PTPRE: variants seen among roughly 807,000 people sequenced by gnomAD.
PTPRE encodes receptor-type tyrosine-protein phosphatase epsilon.
PTPRE carries 51 observed loss-of-function variants against 102.0 expected under a neutral mutation model. That is an observed-to-expected ratio of 0.50 (90% CI 0.40 to 0.63). PTPRE has a LOEUF of 0.63. Among genes scored for constraint, PTPRE ranks in the 30% least tolerant of loss-of-function variants. PTPRE has a pLI of 0.00. For synonymous variants in PTPRE, 345 were observed against 348.2 expected (o/e 0.99, Z 0.10); for missense variants, 752 against 915.1 (o/e 0.82, Z 2.30).
At position 128,037,210 on chromosome 10, in the gene PTPRE, G is replaced by A. The variant is rs1423004033; in HGVS notation, c.-7-3665G>A. Among the ~76,000 whole-genome samples the A allele has an allele frequency of 2.0e-5, 3 of 152,148 alleles. No individual in the cohort carries two copies. The East Asian group carries it at 5.8e-4, about 29-fold the overall frequency. On this transcript the variant is annotated intron_variant, in intron 2 of 20. Coordinates refer to ENST00000254667, the MANE Select transcript of PTPRE (RefSeq NM_006504.6). ...TGAGGACCTACCCAATTCCTCTTCA[G>A]ACTTTTCCTCCTCACTCATCTTCTC...
chr10:127,967,512 G>T (rs1432718872), intron 1 of PTPRE, among the ~76,000 whole-genome samples: 6 of 152,168 alleles, frequency 3.9e-5, no homozygotes, highest in Non-Finnish European at 8.8e-5. Flanking sequence ...ATATGCTTTT[G>T]CTCCTCCTTC....
chr10:127,990,635 T>C (rs1045506315), intron 2 of PTPRE, among the ~76,000 whole-genome samples: 4 of 152,112 alleles, frequency 2.6e-5, no homozygotes, highest in African/African-American at 4.8e-5. Context: ...ACTGCATGTG[T>C]CGGCCATGAC....
chr10:128,011,824 C>T (rs1590001567), intron 2 of PTPRE, among the ~76,000 whole-genome samples: 1 of 152,328 alleles, frequency 6.6e-6, no homozygotes, highest in African/African-American at 2.4e-5. Context: ...AGTTCACAGG[C>T]GGTGGCCTAA....
intron 2 of PTPRE, among the ~76,000 whole-genome samples, chr10:127,990,640 C>T (rs906639657): frequency 5.9e-5 from 9 of 152,060 alleles, no homozygotes; most frequent in African/African-American, 2.2e-4. Flanking sequence ...ATGTGTCGGC[C>T]ATGACGGGGA....
chr10:128,067,893 G>A (rs1850409849), intron 11 of PTPRE, among the ~76,000 whole-genome samples: 1 of 152,188 alleles, frequency 6.6e-6, no homozygotes, highest in African/African-American at 2.4e-5. Flanking sequence ...CCTGACCTGG[G>A]CATAGACGGT....
intron 6 of PTPRE, among the ~76,000 whole-genome samples, chr10:128,054,700 C>T (rs1848812133): frequency 6.6e-6 from 1 of 151,896 alleles, no homozygotes; most frequent in Non-Finnish European, 1.5e-5. Context: ...ACCATGAGCT[C>T]CAGCTGGTCA....
intron 3 of PTPRE, 139 bp from the exon 4 acceptor site, chr10:128,047,251 G>A (rs1279845298): frequency 1.2e-5 from 15 of 1,255,332 alleles, no homozygotes; most frequent in African/African-American, 3.0e-5. Context: ...ACCTCGTGGG[G>A]CCTTTTCAGG....
intron 2 of PTPRE, among the ~76,000 whole-genome samples, chr10:128,029,944 G>A (rs1012502257): frequency 6.6e-6 from 1 of 152,198 alleles, no homozygotes; most frequent in African/African-American, 2.4e-5. Context: ...CTGGGGGCGG[G>A]GACAGGACAC....
chr10:127,996,655 G>C (rs573615803), intron 2 of PTPRE, among the ~76,000 whole-genome samples: 23 of 152,304 alleles, frequency 1.5e-4, no homozygotes, highest in African/African-American at 5.3e-4. Flanking sequence ...CATGTCAGCA[G>C]CTGAGCTCAT....
chr10:128,038,948 C>CT (rs1847451011), intron 2 of PTPRE, among the ~76,000 whole-genome samples: 1 of 152,178 alleles, frequency 6.6e-6, no homozygotes, highest in Non-Finnish European at 1.5e-5. Context: ...ACCTCAGTGT[C>CT]TAACAGATGA....
chr10:128,039,485 A>G (rs1239731445), intron 2 of PTPRE, among the ~76,000 whole-genome samples: 2 of 152,244 alleles, frequency 1.3e-5, no homozygotes, highest in Non-Finnish European at 2.9e-5. Flanking sequence ...AATAAAAAAA[A>G]GAGGGAAGAA....
At chr10:127,946,022 G>A (rs1166558135) in intron 1 of PTPRE, among the ~76,000 whole-genome samples, 1 of 152,090 alleles carries the variant, frequency 6.6e-6, no homozygotes, top group East Asian at 1.9e-4. Context: ...GGCTGCATCT[G>A]GCACCTTGAG....
At chr10:127,969,833 A>G (rs1850577579) in intron 1 of PTPRE, among the ~76,000 whole-genome samples, 1 of 152,190 alleles carries the variant, frequency 6.6e-6, no homozygotes, top group African/African-American at 2.4e-5. Context: ...AGATGCTGGC[A>G]CGTGCCTCCG....
At chr10:128,018,380 A>G (rs1344664031) in intron 2 of PTPRE, among the ~76,000 whole-genome samples, 1 of 152,200 alleles carries the variant, frequency 6.6e-6, no homozygotes, top group Non-Finnish European at 1.5e-5. Flanking sequence ...CAGCAGTTCC[A>G]ACTGCATCTC....
chr10:128,071,051 T>C (rs1850725701), intron 15 of PTPRE, 150 bp downstream of exon 15: 2 of 703,296 alleles, frequency 2.8e-6, no homozygotes, highest in Non-Finnish European at 4.7e-6. Context: ...TCCTGTGTGC[T>C]GTACCAAATG....
intron 2 of PTPRE, among the ~76,000 whole-genome samples, chr10:127,988,690 G>T (rs1244127219): frequency 1.3e-5 from 2 of 152,136 alleles, no homozygotes; most frequent in African/African-American, 4.8e-5. Context: ...GAAGAGGGAG[G>T]GAGGAGAGCA....
chr10:128,037,150 G>A (rs192348208), intron 2 of PTPRE, among the ~76,000 whole-genome samples: 198 of 152,302 alleles, frequency 1.3e-3, no homozygotes, highest in Non-Finnish European at 2.5e-3. Flanking sequence ...AATGGAAAAT[G>A]AGCCCTTAGG....
intron 5 of PTPRE, among the ~76,000 whole-genome samples, chr10:128,048,634 G>A (rs1233253592): frequency 1.3e-5 from 2 of 152,178 alleles, no homozygotes; most frequent in Non-Finnish European, 2.9e-5. Context: ...GTGGCACCAG[G>A]TGCTGTCTTC....
At chr10:127,961,124 C>T (rs1345237269) in intron 1 of PTPRE, among the ~76,000 whole-genome samples, 2 of 152,126 alleles carry the variant, frequency 1.3e-5, no homozygotes, top group African/African-American at 4.8e-5. Context: ...TGGGCAGAGC[C>T]GGGGCTTTGC....
Sources: gnomAD v4.1 joint callset for allele counts (sites outside exome capture counted in the v4.1 genomes callset) on GRCh38, gnomAD v4.1.1 for gene constraint, MANE v1.5 for transcripts, NCBI Gene and HGNC (gene_info 2026-07-23, HGNC 2026-07-21) for gene names.